The following CYFIP1 variants were observed in gnomAD, a reference collection of about 807,000 sequenced individuals.
CYFIP1 encodes cytoplasmic FMR1-interacting protein 1.
Under a neutral mutation model 163.5 loss-of-function variants are expected in CYFIP1, and 58 were observed. The ratio of observed to expected loss-of-function variants is 0.35; its 90% confidence interval spans 0.29 to 0.44. The LOEUF (loss-of-function observed/expected upper bound fraction) is 0.44, where lower values mean the gene tolerates loss of function less well. Among genes scored for constraint, CYFIP1 ranks in the 20% least tolerant of loss-of-function variants. The pLI is 1.00. For missense variants in CYFIP1, 1,338 were observed against 1,653.8 expected, an observed-to-expected ratio of 0.81 and a Z score of 3.31; for synonymous variants, 663 against 660.7, an observed-to-expected ratio of 1.00 and a Z score of -0.05.
chr15:22,879,853 C>CAGGTG lies in CYFIP1; in HGVS notation c.3042+59_3042+60insCACCT, dbSNP rs2059699723. 3.3e-4 allele frequency: 399 copies of CAGGTG among 1,212,940 alleles called. 2 individuals carry two copies. The African/African-American group carries it at 5.3e-3, about 16-fold the overall frequency. The allele number at this position is 1,212,940 out of a possible 1,614,324, so 75.1% of individuals were successfully genotyped here. On this transcript the variant is annotated intron_variant, in intron 26 of 30. Coordinates refer to ENST00000617928, the MANE Select transcript of CYFIP1 (RefSeq NM_014608.6). ...CCCGCCAAAGAAAGCCCTCCCCTGGCCGGTGGGGTGGGGTGGGGTGGGCTG... is the reference window on the plus strand; with the variant it reads ...CCCGCCAAAGAAAGCCCTCCCCTGGCAGGTGCGGTGGGGTGGGGTGGGGTGGGCTG...
intron 9 of CYFIP1, 79 bp downstream of exon 9, chr15:22,937,025 T>A (rs995668172): frequency 6.3e-6 from 6 of 950,796 alleles, no homozygotes; most frequent in Non-Finnish European, 1.0e-5. Flanking sequence ...TAGATCACAG[T>A]CACACAGGGG....
At chr15:22,889,965 T>C (rs925138600) in intron 23 of CYFIP1, among the ~76,000 whole-genome samples, 1 of 152,128 alleles carries the variant, frequency 6.6e-6, no homozygotes, top group African/African-American at 2.4e-5. Flanking sequence ...TCTAATCCTT[T>C]AAAGAAACAT....
intron 6 of CYFIP1, among the ~76,000 whole-genome samples, chr15:22,940,077 T>TGC (rs1362927956): frequency 6.6e-6 from 1 of 152,140 alleles, no homozygotes; most frequent in Non-Finnish European, 1.5e-5. Context: ...TGCAAGGCCA[T>TGC]GCTAAGCCTG....
chr15:22,869,919 C>G lies in CYFIP1; in HGVS notation c.*109G>C. The G allele has an allele frequency of 2.1e-6, 2 of 968,830 alleles. No individual in the cohort carries two copies. The highest frequency in any genetic ancestry group is 6.9e-4 in the Middle Eastern group (2 of 2,896). 60.0% of individuals were successfully genotyped at this position (968,830 alleles called of 1,614,324 possible). On this transcript the variant is annotated 3_prime_UTR_variant, in exon 31 of 31. Coordinates refer to ENST00000617928, the MANE Select transcript of CYFIP1 (RefSeq NM_014608.6). ...ATTAAGTTTTTAGATCGAAAAGCAC[C>G]CCCTTTAACAGGTACAGAGATACTG...
At chr15:22,928,108 C>A (rs2061415971) in intron 11 of CYFIP1, 80 bp from the exon 12 acceptor site, 4 of 1,396,712 alleles carry the variant, frequency 2.9e-6, no homozygotes, top group Non-Finnish European at 3.7e-6. Flanking sequence ...CCATGAGAAT[C>A]CACCCCAAAG....
intron 1 of CYFIP1, among the ~76,000 whole-genome samples, chr15:22,973,157 A>G (rs1366778584): frequency 6.6e-6 from 1 of 151,516 alleles, no homozygotes; most frequent in Non-Finnish European, 1.5e-5. Flanking sequence ...ACAACAACCA[A>G]CCAAAATTTA....
At chr15:22,920,262 T>A (rs2061129757) in intron 13 of CYFIP1, among the ~76,000 whole-genome samples, 1 of 136,032 alleles carries the variant, frequency 7.4e-6, no homozygotes, top group South Asian at 2.5e-4. Flanking sequence ...ACTCCCAGGG[T>A]CAATCGATCC....
At chr15:22,914,248 T>C (rs1322573359) in intron 17 of CYFIP1, among the ~76,000 whole-genome samples, 1 of 152,050 alleles carries the variant, frequency 6.6e-6, no homozygotes, top group Admixed American at 6.6e-5. Flanking sequence ...CTGGGGAAGG[T>C]CCAGGTTCAT....
chr15:22,869,993 A>G lies in CYFIP1; in HGVS notation c.*35T>C, dbSNP rs376575970. 1.4e-5 allele frequency: 22 copies of G among 1,535,138 alleles called. No homozygotes were observed. The highest frequency in any genetic ancestry group is 2.3e-5 in the Admixed American group (1 of 43,082). Reference sequence around the variant, plus strand: ...CTAAATAGTTTACGGAGAGAAAGGCATGCCATGTTGAGTTACGGAGTGCAG... The same window carrying G: ...CTAAATAGTTTACGGAGAGAAAGGCGTGCCATGTTGAGTTACGGAGTGCAG... On this transcript the variant is annotated 3_prime_UTR_variant, in exon 31 of 31. Coordinates refer to ENST00000617928, the MANE Select transcript of CYFIP1 (RefSeq NM_014608.6).
intron 23 of CYFIP1, among the ~76,000 whole-genome samples, chr15:22,889,655 C>T (rs1341175941): frequency 4.6e-5 from 7 of 152,200 alleles, no homozygotes; most frequent in Non-Finnish European, 1.0e-4. Context: ...TCCCTCGCTT[C>T]CACAGCCATC....
intron 9 of CYFIP1, 49 bp from the exon 10 acceptor site, chr15:22,933,942 C>A (rs759512316): frequency 1.5e-6 from 2 of 1,335,814 alleles, no homozygotes; most frequent in Non-Finnish European, 2.1e-6. Flanking sequence ...ATTTAGTCAC[C>A]AAATACATAA....
Position 22,912,165 on chromosome 15 carries a change from T to C in CYFIP1, c.2082+14A>G, listed in dbSNP as rs768888728. 48 of 1,603,182 alleles carry C rather than the reference T, an allele frequency of 3.0e-5. No homozygotes were observed. Among genetic ancestry groups the C allele is most frequent in the Non-Finnish European group, 4.0e-5 (47 of 1,172,336 alleles). ...TGAAGGAAATGAACAGAAATGGAGC[T>C]GCAGGGGCCTCACCTCGGCCTCAAT... On this transcript the variant is annotated intron_variant, in intron 18 of 30. Transcript: ENST00000617928.
intron 1 of CYFIP1, among the ~76,000 whole-genome samples, chr15:22,947,573 T>C (rs1250875412): frequency 6.6e-6 from 1 of 151,976 alleles, no homozygotes; most frequent in Non-Finnish European, 1.5e-5. Flanking sequence ...GTTCCTGCCA[T>C]CCTTCCCACC....
At chr15:22,892,667 T>A (rs1274235376) in intron 23 of CYFIP1, among the ~76,000 whole-genome samples, 4 of 152,208 alleles carry the variant, frequency 2.6e-5, no homozygotes, top group Admixed American at 6.5e-5. Context: ...CAACACTACG[T>A]ACGCGCTAGT....
At chr15:22,952,451 C>T (rs2062285425) in intron 1 of CYFIP1, among the ~76,000 whole-genome samples, 3 of 151,670 alleles carry the variant, frequency 2.0e-5, no homozygotes, top group Admixed American at 1.3e-4. Flanking sequence ...GTCAGGAGTT[C>T]GAGACCAGCC....
rs760816714 is a variant in CYFIP1, at chr15:22,870,096, C to T, written c.3694G>A (p.Glu1232Lys). 6.2e-7 allele frequency: 1 copy of T among 1,613,046 alleles called. No homozygotes were observed. The highest frequency in any genetic ancestry group is 2.2e-5 in the East Asian group (1 of 44,814). ...CGCACATGCTCCACTGGCGTGCCCT[C>T]CCCGTCGCCTGACTTCAGGTACTTA... ...LDKYLKSGDGEGTPVEHVRCF... is the reference protein window; with the variant it reads ...LDKYLKSGDGKGTPVEHVRCF... Residue 1232 changes from glutamate (E) to lysine (K), a missense_variant, in exon 31 of 31, where the codon GAG becomes AAG. Around this residue, in one of 4 missense-constraint regions of CYFIP1, gnomAD observed 306 missense variants for 322.1 expected, o/e 0.95. Coordinates refer to ENST00000617928, the MANE Select transcript of CYFIP1 (RefSeq NM_014608.6).
At chr15:22,977,921 C>A (rs2063331701) in intron 1 of CYFIP1, among the ~76,000 whole-genome samples, 2 of 152,032 alleles carry the variant, frequency 1.3e-5, no homozygotes, top group African/African-American at 4.8e-5. Context: ...CCAAAGTCAC[C>A]TTTAGCATTA....
chr15:22,910,811 C>T lies in CYFIP1; in HGVS notation c.2085G>A (p.Val695=). Residue 695 remains valine, a splice_region_variant and synonymous_variant, in exon 19 of 31, where the codon GTG becomes GTA. Coordinates refer to ENST00000617928, the MANE Select transcript of CYFIP1 (RefSeq NM_014608.6). ...AAACAAATTGGTCAAAACATAGATT[C>T]ACCTGAAGAAAAAGAAAGCACACGT... ...QFLYDEIEAE[V]NLCFDQFVYK... The T allele has an allele frequency of 1.9e-6, 3 of 1,612,918 alleles. No homozygotes were observed. The highest frequency in any genetic ancestry group is 2.5e-6 in the Non-Finnish European group (3 of 1,179,066).
At chr15:22,968,600 A>C (rs2062989111) in intron 1 of CYFIP1, among the ~76,000 whole-genome samples, 1 of 152,146 alleles carries the variant, frequency 6.6e-6, no homozygotes, top group Non-Finnish European at 1.5e-5. Flanking sequence ...GAGAACCCTG[A>C]CTAATACATC....
Sources: gnomAD v4.1 joint callset for allele counts (sites outside exome capture counted in the v4.1 genomes callset) on GRCh38, gnomAD v4.1.1 for gene constraint, gnomAD v4.1.1 regional missense constraint, MANE v1.5 for transcripts, NCBI Gene and HGNC (gene_info 2026-07-23, HGNC 2026-07-21) for gene names.